SLC16A6: variants seen among roughly 807,000 people sequenced by gnomAD.
SLC16A6 encodes the protein monocarboxylate transporter 7.
SLC16A6 carries 15 observed loss-of-function variants against 33.8 expected under a neutral mutation model. The ratio of observed to expected loss-of-function variants is 0.44; its 90% CI spans 0.30 to 0.68. SLC16A6 has a LOEUF of 0.68. Among genes scored for constraint, SLC16A6 ranks in the 30% least tolerant of loss-of-function variants. The pLI is 0.10. For synonymous variants in SLC16A6, 219 were observed against 248.4 expected (o/e 0.88, Z 1.11); for missense variants, 451 against 661.5 (o/e 0.68, Z 3.49).
At chr17:68,275,730 C>T (rs1480985704) in intron 2 of SLC16A6, among the ~76,000 whole-genome samples, 2 of 152,054 alleles carry the variant, frequency 1.3e-5, no homozygotes, top group African/African-American at 4.8e-5. Context: ...ACCTGTAAAT[C>T]CAGCACTTTG....
intron 1 of SLC16A6, among the ~76,000 whole-genome samples, chr17:68,280,893 G>C (rs1279260295): frequency 1.3e-5 from 2 of 152,158 alleles, no homozygotes; most frequent in Non-Finnish European, 2.9e-5. Flanking sequence ...GGGATGCCAA[G>C]GTGGGTGGAT....
chr17:68,272,618 A>C (rs1458516864), intron 4 of SLC16A6, 21 bp downstream of exon 4: 2 of 1,611,614 alleles, frequency 1.2e-6, no homozygotes, highest in Non-Finnish European at 1.7e-6. Context: ...ATTCATACTT[A>C]GGCTGTTGTA....
At chr17:68,285,850 C>T (rs2075829359) in intron 1 of SLC16A6, among the ~76,000 whole-genome samples, 1 of 151,936 alleles carries the variant, frequency 6.6e-6, no homozygotes, top group African/African-American at 2.4e-5. Flanking sequence ...CACCTCCATC[C>T]CCCAGGTTCA....
intron 1 of SLC16A6, among the ~76,000 whole-genome samples, chr17:68,282,253 A>C (rs572811624): frequency 6.6e-6 from 1 of 151,872 alleles, no homozygotes; most frequent in Admixed American, 6.6e-5. Context: ...TCGCAAGGAC[A>C]AAAAAAACAA....
rs574988709 is a variant in SLC16A6, at chr17:68,270,903, A to G, written c.1257T>C (p.Ser419=). Residue 419 remains serine, a synonymous_variant, in exon 5 of 6, where the codon TCT becomes TCC. Coordinates refer to ENST00000580666, the MANE Select transcript of SLC16A6 (RefSeq NM_004694.5). ...EDDVVGIEKM[S]SAAGVYIFIQ... ...TGAAGATGTAGACCCCAGCTGCAGA[A>G]GACATCTTCTCAATGCCCACGACAT... 2 of 1,614,200 alleles carry G rather than the reference A, an allele frequency of 1.2e-6. No individual in the cohort carries two copies. The highest frequency in any genetic ancestry group is 1.1e-5 in the South Asian group (1 of 91,078).
At position 68,278,164 on chromosome 17, in the gene SLC16A6, T is replaced by C. The variant is rs1599529773; in HGVS notation, c.157A>G (p.Met53Val). 1.2e-6 allele frequency: 2 copies of C among 1,614,036 alleles called. No individual in the cohort carries two copies. The highest frequency in any genetic ancestry group is 1.3e-5 in the African/African-American group (1 of 74,918). Residue 53 changes from methionine to valine, a missense_variant, in exon 2 of 6, where the codon ATG becomes GTG. Physicochemically the swap from Met to Val is conservative, Grantham distance 21. Around this residue, in one of 2 missense-constraint regions of SLC16A6, gnomAD observed 405 missense variants for 510.7 expected, o/e 0.79. Coordinates refer to ENST00000580666, the MANE Select transcript of SLC16A6 (RefSeq NM_004694.5). Reference sequence around the variant, plus strand: ...CTATTGGATTCATTAAAACTGTCCATTAAGTCATTAAAGAAGACACCAAAT... The same window carrying C: ...CTATTGGATTCATTAAAACTGTCCACTAAGTCATTAAAGAAGACACCAAAT... Reference protein sequence around the residue: ...KTFGVFFNDLMDSFNESNSRI... With the variant: ...KTFGVFFNDLVDSFNESNSRI...
intron 1 of SLC16A6, 52 bp from the exon 2 acceptor site, chr17:68,278,379 T>A (rs1419216276): frequency 8.6e-7 from 1 of 1,160,514 alleles, no homozygotes; most frequent in Non-Finnish European, 1.3e-6. Flanking sequence ...TGAGGATCGA[T>A]GATTCTCATA....
chr17:68,273,772 T>G, intron 3 of SLC16A6, 155 bp downstream of exon 3: 1 of 850,284 alleles, frequency 1.2e-6, no homozygotes, highest in Non-Finnish European at 1.8e-6. Context: ...GAAGTCCATA[T>G]AGCTCAGTTC....
At chr17:68,287,132 C>T (rs1389303248) in intron 1 of SLC16A6, among the ~76,000 whole-genome samples, 5 of 152,094 alleles carry the variant, frequency 3.3e-5, no homozygotes, top group Non-Finnish European at 5.9e-5. Context: ...TACAGGCATG[C>T]GCCACCATGC....
At chr17:68,290,237 C>T (rs1555755377) in intron 1 of SLC16A6, among the ~76,000 whole-genome samples, 1 of 152,136 alleles carries the variant, frequency 6.6e-6, no homozygotes, top group African/African-American at 2.4e-5. Context: ...CTCCGGGGAG[C>T]TTTTTCTAAG....
chr17:68,276,689 A>G (rs2075534366), intron 2 of SLC16A6, among the ~76,000 whole-genome samples: 1 of 152,168 alleles, frequency 6.6e-6, no homozygotes, highest in African/African-American at 2.4e-5. Context: ...CTAGGGCTCA[A>G]GCAATCCTTT....
chr17:68,277,109 T>C (rs548614003), intron 2 of SLC16A6, among the ~76,000 whole-genome samples: 10 of 152,218 alleles, frequency 6.6e-5, no homozygotes, highest in African/African-American at 2.2e-4. Flanking sequence ...AATTATGAGA[T>C]TGGGGCCTGG....
At chr17:68,283,891 A>C (rs2075778604) in intron 1 of SLC16A6, among the ~76,000 whole-genome samples, 1 of 150,746 alleles carries the variant, frequency 6.6e-6, no homozygotes, top group African/African-American at 2.4e-5. Context: ...AAAAAAAAAA[A>C]AAAAAAGACC....
In SLC16A6 at chr17:68,271,087, T is replaced by G; in HGVS notation, c.1073A>C (p.Lys358Thr). 1.2e-6 allele frequency: 2 copies of G among 1,614,198 alleles called. No homozygotes were observed. The highest frequency in any genetic ancestry group is 1.7e-6 in the Non-Finnish European group (2 of 1,180,042). Reference protein sequence around the residue: ...GFVLNREPIRKIYIELICVIL... With the variant: ...GFVLNREPIRTIYIELICVIL... Reference sequence around the variant, plus strand: ...GACGCAGATGAGCTCAATGTAAATCTTACGAATGGGCTCCCTGTTGAGGAC... The same window carrying G: ...GACGCAGATGAGCTCAATGTAAATCGTACGAATGGGCTCCCTGTTGAGGAC... The change falls in exon 5 of 6, where the codon AAG (lysine) becomes ACG (threonine). Residue 358 changes from lysine to threonine, a missense_variant. This residue lies in a region of SLC16A6 where 405 missense variants were observed against 510.7 expected (regional missense o/e 0.79). Coordinates refer to ENST00000580666, the MANE Select transcript of SLC16A6 (RefSeq NM_004694.5). This position sits in a 1 kb window ranked among gnomAD's most constrained non-coding sequence, Gnocchi z 5.3.
intron 1 of SLC16A6, among the ~76,000 whole-genome samples, chr17:68,289,338 G>T (rs952174446): frequency 6.6e-6 from 1 of 152,120 alleles, no homozygotes. Flanking sequence ...TTGGAAATCC[G>T]CTATCCTTGG....
At chr17:68,291,199 G>A (rs2145228946), upstream of SLC16A6, 1 of 151,966 alleles carries the variant, frequency 6.6e-6, no homozygotes, top group East Asian at 2.0e-4. Context: ...CCCCTTAGGG[G>A]GCGGGCCCGA....
At chr17:68,290,704 G>C (rs1555755495) in intron 1 of SLC16A6, among the ~76,000 whole-genome samples, 3 of 152,260 alleles carry the variant, frequency 2.0e-5, no homozygotes, top group African/African-American at 7.2e-5. Flanking sequence ...GCGACGCGCA[G>C]GCAACTTCAT....
At chr17:68,274,206 C>A in intron 2 of SLC16A6, 136 bp from the exon 3 acceptor site, 1 of 885,446 alleles carries the variant, frequency 1.1e-6, no homozygotes, top group Non-Finnish European at 1.7e-6. Flanking sequence ...TGGCTCATGC[C>A]TGTAATCCCA....
intron 5 of SLC16A6, 108 bp downstream of exon 5, chr17:68,270,731 A>C: frequency 1.0e-6 from 1 of 955,450 alleles, no homozygotes; most frequent in African/African-American, 1.7e-5. Context: ...TCTAAAATTC[A>C]ATGGAAATAT....
Sources: gnomAD v4.1 joint callset for allele counts (sites outside exome capture counted in the v4.1 genomes callset) on GRCh38, gnomAD v4.1.1 for gene constraint, gnomAD v4.1.1 regional missense constraint, Gnocchi (gnomAD v3.1) non-coding constraint, MANE v1.5 for transcripts, NCBI Gene and HGNC (gene_info 2026-07-23, HGNC 2026-07-21) for gene names.